CRTC1: variants seen among roughly 807,000 people sequenced by gnomAD.
CRTC1 encodes CREB regulated transcription coactivator 1, also known as CREB-regulated transcription coactivator 1.
A neutral mutation model predicts 66.1 loss-of-function variants in CRTC1; 18 were observed. The ratio of observed to expected loss-of-function variants is 0.27; its 90% CI spans 0.19 to 0.40. The LOEUF is 0.40. Ranked by LOEUF, CRTC1 falls within the 10% of genes least tolerant of loss-of-function variation. The pLI is 1.00. For synonymous variants in CRTC1, 416 were observed against 398.8 expected (o/e 1.04, Z -0.51); for missense variants, 669 against 887.9 (o/e 0.75, Z 3.13).
chr19:18,767,580 C>G (rs894079617), intron 9 of CRTC1, among the ~76,000 whole-genome samples: 3 of 152,154 alleles, frequency 2.0e-5, no homozygotes, highest in Non-Finnish European at 4.4e-5. Flanking sequence ...CTGGCAATGC[C>G]CGGCCCGGAC....
intron 1 of CRTC1, among the ~76,000 whole-genome samples, chr19:18,692,595 C>CT: frequency 7.7e-6 from 1 of 130,684 alleles, no homozygotes; most frequent in Non-Finnish European, 1.6e-5. Context: ...GAGTGAAACT[C>CT]TGTCTCAAAA....
intron 12 of CRTC1, among the ~76,000 whole-genome samples, chr19:18,775,325 G>A (rs113061078): frequency 6.6e-6 from 1 of 152,246 alleles, no homozygotes; most frequent in East Asian, 1.9e-4. Context: ...GACCGTGCAC[G>A]CGGGTTTGCC....
At chr19:18,687,842 CTGTT>C (rs1267994913) in intron 1 of CRTC1, among the ~76,000 whole-genome samples, 1 of 151,826 alleles carries the variant, frequency 6.6e-6, no homozygotes, top group Non-Finnish European at 1.5e-5. Flanking sequence ...AGTCGGGAGA[CTGTT>C]TGCAGGTCTT....
At chr19:18,758,184 A>T (rs1490991262) in intron 6 of CRTC1, among the ~76,000 whole-genome samples, 1 of 149,620 alleles carries the variant, frequency 6.7e-6, no homozygotes, top group African/African-American at 2.5e-5. Flanking sequence ...ACACGGTGAA[A>T]CCCCGTCTCT....
At position 18,779,100 on chromosome 19, in the gene CRTC1, C is replaced by G. The variant is rs2055053889; in HGVS notation, c.*1718C>G. On this transcript the variant is annotated 3_prime_UTR_variant, in exon 14 of 14. Coordinates refer to ENST00000321949, the MANE Select transcript of CRTC1 (RefSeq NM_015321.3). ...TGTTCTTGGAATAGGAACTGCTGTTCTGATCCCCCCAAAACTGCATTGCGG... is the reference window on the plus strand; with the variant it reads ...TGTTCTTGGAATAGGAACTGCTGTTGTGATCCCCCCAAAACTGCATTGCGG... 4.3e-6 allele frequency: 1 copy of G among 232,594 alleles called. No individual in the cohort carries two copies. The highest frequency in any genetic ancestry group is 1.8e-4 in the South Asian group (1 of 5,530). 14.4% of individuals were successfully genotyped at this position (232,594 alleles called of 1,614,324 possible).
chr19:18,777,918 C>T lies in CRTC1; in HGVS notation c.*536C>T. The T allele has an allele frequency of 3.9e-6, 1 of 258,752 alleles. No individual in the cohort carries two copies. The highest frequency in any genetic ancestry group is 7.3e-6 in the Non-Finnish European group (1 of 136,300). 16.0% of individuals were successfully genotyped at this position (258,752 alleles called of 1,614,324 possible). Reference sequence around the variant, plus strand: ...AGGGAGGAGGCGCCAGAGCGCGGGGCAGACGCAAAGTGAAATAAACACTAT... The same window carrying T: ...AGGGAGGAGGCGCCAGAGCGCGGGGTAGACGCAAAGTGAAATAAACACTAT... On this transcript the variant is annotated 3_prime_UTR_variant, in exon 14 of 14. Coordinates refer to ENST00000321949, the MANE Select transcript of CRTC1 (RefSeq NM_015321.3). The surrounding 1 kb of genome is among the most constrained non-coding windows in gnomAD (Gnocchi z 5.5).
At chr19:18,764,417 G>A (rs745688918) in intron 8 of CRTC1, among the ~76,000 whole-genome samples, 5 of 152,242 alleles carry the variant, frequency 3.3e-5, no homozygotes, top group South Asian at 2.1e-4. Flanking sequence ...GGCCAGGCTC[G>A]CAGGGGTCCT....
intron 1 of CRTC1, among the ~76,000 whole-genome samples, chr19:18,713,669 C>G (rs1381483821): frequency 6.6e-6 from 1 of 152,252 alleles, no homozygotes; most frequent in Non-Finnish European, 1.5e-5. Flanking sequence ...GGCCTTAGCT[C>G]AAGGTCCAGG....
At chr19:18,708,104 G>T (rs886441091) in intron 1 of CRTC1, among the ~76,000 whole-genome samples, 1 of 152,224 alleles carries the variant, frequency 6.6e-6, no homozygotes, top group South Asian at 2.1e-4. Context: ...GGTGCAAGAG[G>T]TGGGTAGGGA....
intron 1 of CRTC1, among the ~76,000 whole-genome samples, chr19:18,714,316 T>C (rs2053458254): frequency 6.6e-6 from 1 of 150,450 alleles, no homozygotes; most frequent in Non-Finnish European, 1.5e-5. Flanking sequence ...CTAACACTCT[T>C]TTTTTTTTTG....
Position 18,760,049 on chromosome 19 carries a change from T to C in CRTC1, c.707T>C (p.Ile236Thr), listed in dbSNP as rs2145806330. 6.2e-7 allele frequency: 1 copy of C among 1,608,556 alleles called. No homozygotes were observed. Among genetic ancestry groups the C allele is most frequent in the East Asian group, 2.2e-5 (1 of 44,628 alleles). Reference sequence around the variant, plus strand: ...GACCAGGAAAACACTACAGCCCTGATCCCCGCCACCCACAACACAGGGGGG... The same window carrying C: ...GACCAGGAAAACACTACAGCCCTGACCCCCGCCACCCACAACACAGGGGGG... The part of the protein sequence containing the change: ...SADQENTTAL[I>T]PATHNTGGSL... The change falls in exon 8 of 14, where the codon ATC becomes ACC. Residue 236 changes from isoleucine (I) to threonine (T), a missense_variant. Around this residue, in one of 8 missense-constraint regions of CRTC1, gnomAD observed 214 missense variants for 323.4 expected, o/e 0.66. Transcript: ENST00000321949. This position sits in a 1 kb window ranked among gnomAD's most constrained non-coding sequence, Gnocchi z 6.2.
chr19:18,771,659 C>T lies in CRTC1; in HGVS notation c.1425+113C>T. The T allele has an allele frequency of 1.3e-6, 1 of 799,450 alleles. No individual in the cohort carries two copies. The highest frequency in any genetic ancestry group is 2.7e-5 in the East Asian group (1 of 36,890). The allele number at this position is 799,450 out of a possible 1,614,324, so 49.5% of individuals were successfully genotyped here. On this transcript the variant is annotated intron_variant, in intron 11 of 13. Coordinates refer to ENST00000321949, the MANE Select transcript of CRTC1 (RefSeq NM_015321.3). The surrounding 1 kb of genome is among the most constrained non-coding windows in gnomAD (Gnocchi z 4.6). ...ATGCATCGCTCCTCATGCATGTCCT[C>T]ATGCATCCCATCCCGTCCACGCCAT...
At chr19:18,725,500 G>A (rs2053728723) in intron 1 of CRTC1, among the ~76,000 whole-genome samples, 2 of 145,498 alleles carry the variant, frequency 1.4e-5, no homozygotes, top group South Asian at 4.4e-4. Flanking sequence ...GGGCAGCCTG[G>A]CCAGCCGTCC....
In CRTC1 at chr19:18,781,767, T is replaced by C. The variant is rs552412135; in HGVS notation, c.*4385T>C. ...GGCTGGGCCTTGGGGTGGTGCTGGCTCTGATGATTCCAGAGCCTGTATCCA... is the reference window on the plus strand; with the variant it reads ...GGCTGGGCCTTGGGGTGGTGCTGGCCCTGATGATTCCAGAGCCTGTATCCA... On this transcript the variant is annotated 3_prime_UTR_variant, in exon 14 of 14. Transcript: ENST00000321949. 3 of 230,478 alleles carry C rather than the reference T, an allele frequency of 1.3e-5. No individual in the cohort carries two copies. Among genetic ancestry groups the C allele is most frequent in the South Asian group, 3.6e-4 (2 of 5,500 alleles). 14.3% of individuals were successfully genotyped at this position (230,478 alleles called of 1,614,324 possible). A position where few individuals can be genotyped will look rare whatever the true frequency, so the allele number is the denominator to read the frequency against.
At chr19:18,759,076 G>T (rs974850379) in intron 6 of CRTC1, among the ~76,000 whole-genome samples, 1 of 152,146 alleles carries the variant, frequency 6.6e-6, no homozygotes, top group African/African-American at 2.4e-5. Context: ...GCAGTGACGC[G>T]TGCCTATGGT....
chr19:18,774,211 C>G (rs1489320783), intron 11 of CRTC1, among the ~76,000 whole-genome samples: 1 of 152,214 alleles, frequency 6.6e-6, no homozygotes, highest in East Asian at 1.9e-4. Flanking sequence ...CCCACCATCT[C>G]TTGGGGAGGG....
intron 1 of CRTC1, among the ~76,000 whole-genome samples, chr19:18,716,569 G>A (rs1163854554): frequency 2.6e-5 from 4 of 152,298 alleles, no homozygotes; most frequent in South Asian, 4.1e-4. Flanking sequence ...ATGACTCTTA[G>A]CCCAGGTGCA....
At chr19:18,754,931 TTTTTC>T (rs1184985367) in intron 6 of CRTC1, among the ~76,000 whole-genome samples, 1 of 151,988 alleles carries the variant, frequency 6.6e-6, no homozygotes, top group African/African-American at 2.4e-5. Context: ...TGTGTATTTC[TTTTTC>T]TTTTCTTTTA....
intron 2 of CRTC1, among the ~76,000 whole-genome samples, chr19:18,745,589 C>A (rs978379293): frequency 7.2e-5 from 11 of 152,176 alleles, no homozygotes; most frequent in African/African-American, 2.4e-4. Flanking sequence ...ACTGCACGCC[C>A]CTGCCACCCT....
Sources: gnomAD v4.1 joint callset for allele counts (sites outside exome capture counted in the v4.1 genomes callset) on GRCh38, gnomAD v4.1.1 for gene constraint, gnomAD v4.1.1 regional missense constraint, Gnocchi (gnomAD v3.1) non-coding constraint, MANE v1.5 for transcripts, NCBI Gene and HGNC (gene_info 2026-07-23, HGNC 2026-07-21) for gene names.